ARHGEF28: variants seen among roughly 807,000 people sequenced by gnomAD.
The protein encoded by ARHGEF28 is Rho guanine nucleotide exchange factor 28.
In ARHGEF28, 152 loss-of-function variants were observed where a neutral mutation model predicts 206.6. The observed-to-expected ratio is 0.74, with a 90% CI of 0.64 to 0.84. The LOEUF (loss-of-function observed/expected upper bound fraction) is 0.84, where lower values mean the gene tolerates loss of function less well. ARHGEF28 is among the 40% of genes least tolerant of loss of function. The probability of loss-of-function intolerance (pLI) is 0.00; values close to 1 mark genes in which losing one functional copy is unlikely to be tolerated. For synonymous variants in ARHGEF28, 763 were observed against 776.4 expected, an observed-to-expected ratio of 0.98 and a Z score of 0.29; for missense variants, 2,028 against 2,073.2, an observed-to-expected ratio of 0.98 and a Z score of 0.42.
chr5:73,869,716 G>A (rs1006974398), intron 20 of ARHGEF28, among the ~76,000 whole-genome samples: 3 of 152,066 alleles, frequency 2.0e-5, no homozygotes, highest in African/African-American at 7.2e-5. Context: ...AGACCAGCCT[G>A]GCCAACATGG....
At chr5:73,886,248 T>C (rs959187919) in intron 25 of ARHGEF28, 144 bp downstream of exon 25, 37 of 1,085,270 alleles carry the variant, frequency 3.4e-5, no homozygotes, top group Non-Finnish European at 4.5e-5. Context: ...TTTGTGAATT[T>C]CAATAGGCAA....
chr5:73,819,316 T>C (rs1403127295), intron 9 of ARHGEF28, among the ~76,000 whole-genome samples: 3 of 152,220 alleles, frequency 2.0e-5, no homozygotes, highest in Non-Finnish European at 2.9e-5. Flanking sequence ...ACTCTGGCCA[T>C]AGGTCCAAAT....
intron 2 of ARHGEF28, among the ~76,000 whole-genome samples, chr5:73,692,612 A>C (rs7703624): frequency 0.34 from 51,182 of 152,066 alleles, 9,838 homozygotes; most frequent in African/African-American, 0.53. Context: ...GGGAAACTCT[A>C]TCCTATTCAG....
At chr5:73,715,933 G>A (rs1322322772) in intron 2 of ARHGEF28, among the ~76,000 whole-genome samples, 4 of 152,256 alleles carry the variant, frequency 2.6e-5, no homozygotes, top group South Asian at 2.1e-4. Context: ...CCATCTTCAC[G>A]CACTTACACG....
chr5:73,858,067 T>A lies in ARHGEF28; in HGVS notation c.1915-20T>A. ...TTCTCATTTTTCCCCACTTTCCTAC[T>A]GCTGCTGCTGCATCTGAAGACAAAA... On this transcript the variant is annotated intron_variant, in intron 15 of 35. Transcript: ENST00000513042. The A allele has an allele frequency of 6.3e-7, 1 of 1,579,910 alleles. No individual in the cohort carries two copies. The highest frequency in any genetic ancestry group is 1.4e-5 in the African/African-American group (1 of 73,138).
At chr5:73,864,573 T>A (rs139322099) in intron 16 of ARHGEF28, among the ~76,000 whole-genome samples, 11 of 152,344 alleles carry the variant, frequency 7.2e-5, no homozygotes, top group Admixed American at 2.0e-4. Flanking sequence ...ATTTAGTAAT[T>A]GATAAGATCC....
intron 18 of ARHGEF28, among the ~76,000 whole-genome samples, chr5:73,866,392 A>G (rs989009911): frequency 6.6e-6 from 1 of 152,274 alleles, no homozygotes; most frequent in Non-Finnish European, 1.5e-5. Context: ...GCAGTAGCGT[A>G]GTATAGCAAT....
At chr5:73,736,357 G>A (rs945179876) in intron 2 of ARHGEF28, among the ~76,000 whole-genome samples, 5 of 152,162 alleles carry the variant, frequency 3.3e-5, no homozygotes, top group African/African-American at 1.2e-4. Context: ...GGAAGCATGG[G>A]TTTGACTCCT....
chr5:73,665,247 C>T (rs1745878463), intron 1 of ARHGEF28, among the ~76,000 whole-genome samples: 1 of 152,216 alleles, frequency 6.6e-6, no homozygotes. Flanking sequence ...TTGAAGTTCA[C>T]AATACTTAGT....
chr5:73,912,873 T>A (rs1762982208), intron 35 of ARHGEF28, among the ~76,000 whole-genome samples: 1 of 152,234 alleles, frequency 6.6e-6, no homozygotes, highest in African/African-American at 2.4e-5. Context: ...CAGTGCTTCA[T>A]GTGGTTTTGT....
intron 30 of ARHGEF28, 91 bp downstream of exon 30, chr5:73,898,184 G>A: frequency 6.9e-7 from 1 of 1,440,244 alleles, no homozygotes; most frequent in Non-Finnish European, 9.3e-7. Flanking sequence ...GACTGTCTCT[G>A]GTTGAAGGGG....
intron 1 of ARHGEF28, among the ~76,000 whole-genome samples, chr5:73,648,406 T>C (rs1744581008): frequency 6.6e-6 from 1 of 152,194 alleles, no homozygotes; most frequent in East Asian, 1.9e-4. Flanking sequence ...TTGGGAAATA[T>C]GCCATTTCTA....
At position 73,883,819 on chromosome 5, in the gene ARHGEF28, T is replaced by C. The variant is rs746640203; in HGVS notation, c.2990T>C (p.Leu997Pro). Residue 997 changes from leucine (L) to proline (P), a missense_variant, in exon 24 of 36, where the codon CTG becomes CCG. Leu to Pro is a moderately conservative substitution (Grantham distance 98). Coordinates refer to ENST00000513042, the MANE Select transcript of ARHGEF28 (RefSeq NM_001177693.2). ...CGCCGAGGAATTCCAGAATGCATTC[T>C]GTTGGTCACTCAGCGTATTACAAAA... ...ARRRGIPECILLVTQRITKYP... is the reference protein window; with the variant it reads ...ARRRGIPECIPLVTQRITKYP... The C allele has an allele frequency of 1.3e-6, 2 of 1,579,954 alleles. No individual in the cohort carries two copies. Among genetic ancestry groups the C allele is most frequent in the Non-Finnish European group, 1.7e-6 (2 of 1,162,602 alleles).
At chr5:73,830,152 T>C (rs1757200119) in intron 9 of ARHGEF28, among the ~76,000 whole-genome samples, 1 of 152,148 alleles carries the variant, frequency 6.6e-6, no homozygotes, top group South Asian at 2.1e-4. Context: ...ATATGCATGG[T>C]CCAATGTGGG....
intron 1 of ARHGEF28, among the ~76,000 whole-genome samples, chr5:73,680,752 C>A (rs903910152): frequency 1.3e-5 from 2 of 152,156 alleles, no homozygotes; most frequent in Non-Finnish European, 2.9e-5. Flanking sequence ...TGAAAAACAT[C>A]TGTACTTTTT....
intron 16 of ARHGEF28, among the ~76,000 whole-genome samples, chr5:73,858,560 G>C (rs1031630674): frequency 6.6e-6 from 1 of 152,104 alleles, no homozygotes; most frequent in African/African-American, 2.4e-5. Context: ...AAAACTTTTG[G>C]AGTACATCTT....
At chr5:73,899,150 C>CGTAT (rs1253724896) in intron 30 of ARHGEF28, 6 of 151,922 alleles carry the variant, frequency 3.9e-5, no homozygotes, top group Admixed American at 3.9e-4. Flanking sequence ...AGAATGCGCA[C>CGTAT]GTATGTTTTT....
intron 11 of ARHGEF28, among the ~76,000 whole-genome samples, chr5:73,845,225 G>A (rs1006646547): frequency 4.6e-5 from 7 of 152,022 alleles, no homozygotes; most frequent in African/African-American, 1.7e-4. Context: ...CACCGTGTTA[G>A]CCAGGATGGT....
chr5:73,656,778 T>C (rs1745230253), intron 1 of ARHGEF28, among the ~76,000 whole-genome samples: 1 of 152,174 alleles, frequency 6.6e-6, no homozygotes. Context: ...TACAAGGCCT[T>C]GCATAATAGA....
Sources: gnomAD v4.1 joint callset for allele counts (sites outside exome capture counted in the v4.1 genomes callset) on GRCh38, gnomAD v4.1.1 for gene constraint, MANE v1.5 for transcripts, NCBI Gene and HGNC (gene_info 2026-07-23, HGNC 2026-07-21) for gene names.